Variants in OR7E24 observed in about 807,000 individuals in gnomAD.
OR7E24 encodes the protein olfactory receptor family 7 subfamily E member 24, also known as olfactory receptor 7E24.
For missense variants in OR7E24, 385 were observed against 410.3 expected, an observed-to-expected ratio of 0.94 and a Z score of 0.53; for synonymous variants, 130 against 157.5, an observed-to-expected ratio of 0.83 and a Z score of 1.31.
chr19:9,235,265 G>A, the OR7E24 span: 45 of 1,377,750 alleles, frequency 3.3e-5, no homozygotes, highest in Non-Finnish European at 4.6e-5. Flanking sequence ...ATGGTGCTGG[G>A]GAACCTACTC....
the OR7E24 span, among the ~76,000 whole-genome samples, chr19:9,226,712 T>A: frequency 1.3e-5 from 2 of 152,184 alleles, no homozygotes; most frequent in African/African-American, 4.8e-5. Context: ...AAGTTACTAT[T>A]TATTCCCAAT....
chr19:9,241,108 G>A, the OR7E24 span, among the ~76,000 whole-genome samples: 139 of 152,270 alleles, frequency 9.1e-4, no homozygotes, highest in Non-Finnish European at 1.3e-3. Context: ...GAGCCATTGC[G>A]CCAGGCCTGT....
At chr19:9,235,816 T>C in the OR7E24 span, 1 of 1,611,530 alleles carries the variant, frequency 6.2e-7, no homozygotes, top group East Asian at 2.2e-5. Flanking sequence ...TGTCTCCTCC[T>C]TAATGAGAAT....
chr19:9,223,144 G>A, the OR7E24 span, among the ~76,000 whole-genome samples: 13 of 152,300 alleles, frequency 8.5e-5, no homozygotes, highest in South Asian at 2.7e-3. Flanking sequence ...AGGATAAACT[G>A]CTGGTCTTTT....
upstream of OR7E24, among the ~76,000 whole-genome samples, chr19:9,243,612 A>G (rs984323796): frequency 2.6e-5 from 4 of 152,110 alleles, no homozygotes; most frequent in Non-Finnish European, 5.9e-5. Context: ...CCTGGCAGGC[A>G]TCTATTTTGA....
upstream of OR7E24, among the ~76,000 whole-genome samples, chr19:9,248,574 T>G (rs1472494188): frequency 6.6e-6 from 1 of 152,178 alleles, no homozygotes; most frequent in Non-Finnish European, 1.5e-5. Flanking sequence ...AGACCACAGC[T>G]AGACCAGTGG....
At chr19:9,222,539 G>A in the OR7E24 span, among the ~76,000 whole-genome samples, 2 of 152,114 alleles carry the variant, frequency 1.3e-5, no homozygotes, top group East Asian at 1.9e-4. Context: ...TTATTCCTAA[G>A]CATTCTATTT....
chr19:9,225,464 G>GGGAA, the OR7E24 span, among the ~76,000 whole-genome samples: 5,167 of 147,572 alleles, frequency 0.035, 308 homozygotes, highest in African/African-American at 0.12. Context: ...GAGGGAGGGA[G>GGGAA]GGAAGGAAGG....
At chr19:9,248,144 C>T (rs1393835603), upstream of OR7E24, among the ~76,000 whole-genome samples, 3 of 152,092 alleles carry the variant, frequency 2.0e-5, no homozygotes, top group Non-Finnish European at 2.9e-5. Context: ...AAGTGGGTCC[C>T]TCTAAACTGT....
chr19:9,237,245 C>T, the OR7E24 span, among the ~76,000 whole-genome samples: 2 of 152,156 alleles, frequency 1.3e-5, no homozygotes, highest in Non-Finnish European at 2.9e-5. Context: ...TTTCTCCCTT[C>T]TTTATCTTAG....
chr19:9,210,728 T>A, the OR7E24 span: 8 of 140,470 alleles, frequency 5.7e-5, no homozygotes, highest in South Asian at 2.3e-4. Flanking sequence ...ACACAGAGTC[T>A]ACACTAGGGA....
At chr19:9,239,713 T>C in the OR7E24 span, among the ~76,000 whole-genome samples, 168 of 145,246 alleles carry the variant, frequency 1.2e-3, 1 homozygote, top group South Asian at 4.7e-3. Context: ...TTTTCTTTTT[T>C]TTTTTTTTTT....
chr19:9,212,718 T>A, the OR7E24 span: 3 of 152,074 alleles, frequency 2.0e-5, no homozygotes, highest in African/African-American at 7.2e-5. Context: ...GAGTCATAAT[T>A]TGAAGTTGAA....
chr19:9,231,771 T>C, the OR7E24 span, among the ~76,000 whole-genome samples: 7 of 152,244 alleles, frequency 4.6e-5, no homozygotes, highest in Non-Finnish European at 8.8e-5. Context: ...CTGTTTGCTA[T>C]TAATAGGAGT....
the OR7E24 span, among the ~76,000 whole-genome samples, chr19:9,232,996 C>T: frequency 6.6e-6 from 1 of 151,472 alleles, no homozygotes; most frequent in African/African-American, 2.4e-5. Context: ...TCTGACCCCC[C>T]TAACCCTCAC....
At chr19:9,234,817 A>G in the OR7E24 span, among the ~76,000 whole-genome samples, 1 of 152,236 alleles carries the variant, frequency 6.6e-6, no homozygotes, top group Non-Finnish European at 1.5e-5. Flanking sequence ...ATGATTATAC[A>G]CCTATTAGCA....
chr19:9,216,009 T>C, the OR7E24 span, among the ~76,000 whole-genome samples: 5 of 152,224 alleles, frequency 3.3e-5, no homozygotes, highest in South Asian at 1.0e-3. Context: ...ACATCTTACA[T>C]GGATGGTGGC....
chr19:9,239,231 G>A, the OR7E24 span, among the ~76,000 whole-genome samples: 2 of 151,522 alleles, frequency 1.3e-5, no homozygotes, highest in African/African-American at 4.8e-5. Flanking sequence ...GTGCAGTGAT[G>A]CAATCTTGGC....
chr19:9,229,443 G>C, the OR7E24 span, among the ~76,000 whole-genome samples: 1 of 151,672 alleles, frequency 6.6e-6, no homozygotes, highest in African/African-American at 2.4e-5. Context: ...ACTGAGGCAG[G>C]AGAATCACTT....
Sources: gnomAD v4.1 joint callset for allele counts (sites outside exome capture counted in the v4.1 genomes callset) on GRCh38, gnomAD v4.1.1 for gene constraint, MANE v1.5 for transcripts, NCBI Gene and HGNC (gene_info 2026-07-23, HGNC 2026-07-21) for gene names.